Variants in PTPRG observed in about 807,000 individuals in gnomAD.
PTPRG encodes the protein protein tyrosine phosphatase receptor type G.
A neutral mutation model predicts 165.3 loss-of-function variants in PTPRG; 102 were observed. The ratio of observed to expected loss-of-function variants is 0.62; its 90% CI spans 0.53 to 0.73. The LOEUF (loss-of-function observed/expected upper bound fraction) is 0.73. Among genes scored for constraint, PTPRG ranks in the 30% least tolerant of loss-of-function variants. The pLI, the probability that PTPRG is intolerant of heterozygous loss-of-function variation, is 0.00. For synonymous variants in PTPRG, 675 were observed against 669.5 expected (o/e 1.01, Z -0.13); for missense variants, 1,866 against 1,861.4 (o/e 1.00, Z -0.05).
At position 61,976,372 on chromosome 3, in the gene PTPRG, A is replaced by C. The variant is rs911662157; in HGVS notation, c.191-13253A>C. ...GGTCAGAAATTGGATGACAGTCAGG[A>C]TCTCCCTAGTTCCCAAGAGGTCTGA... On this transcript the variant is annotated intron_variant, in intron 2 of 29. Transcript: ENST00000474889. 5.3e-5 allele frequency among the ~76,000 whole-genome samples: 8 copies of C among 152,308 alleles called. No individual in the cohort carries two copies. In the East Asian group the frequency reaches 1.5e-3, roughly 29 times the overall value.
Position 61,954,162 on chromosome 3 carries a change from C to T in PTPRG, c.191-35463C>T, listed in dbSNP as rs76922536. ...TCAGCACCTAAATCCCTTCCCTGCCCAACTTCCCGCCTCCACCAAACATAC... is the reference window on the plus strand; with the variant it reads ...TCAGCACCTAAATCCCTTCCCTGCCTAACTTCCCGCCTCCACCAAACATAC... On this transcript the variant is annotated intron_variant, in intron 2 of 29. Coordinates refer to ENST00000474889, the MANE Select transcript of PTPRG (RefSeq NM_002841.4). 8.0e-3 allele frequency among the ~76,000 whole-genome samples: 1,215 copies of T among 152,244 alleles called. 11 individuals carry two copies. The highest frequency in any genetic ancestry group is 0.027 in the African/African-American group (1,119 of 41,546).
intron 1 of PTPRG, among the ~76,000 whole-genome samples, chr3:61,630,039 G>A (rs1701725389): frequency 6.6e-6 from 1 of 152,218 alleles, no homozygotes; most frequent in Non-Finnish European, 1.5e-5. Context: ...TTGGTAATGT[G>A]CCCAAAGACC....
At chr3:62,141,737 T>TA (rs35175964) in intron 6 of PTPRG, among the ~76,000 whole-genome samples, 269 of 140,052 alleles carry the variant, frequency 1.9e-3, no homozygotes, top group African/African-American at 3.8e-3. Context: ...CTGTCTCTAC[T>TA]AAAAAAAAAA....
At chr3:61,957,100 C>T (rs1463669129) in intron 2 of PTPRG, among the ~76,000 whole-genome samples, 1 of 152,076 alleles carries the variant, frequency 6.6e-6, no homozygotes, top group Non-Finnish European at 1.5e-5. Flanking sequence ...TAAATATCAC[C>T]TGAAACAGCA....
chr3:62,121,887 T>A (rs2106893041), intron 5 of PTPRG, among the ~76,000 whole-genome samples: 1 of 152,348 alleles, frequency 6.6e-6, no homozygotes, highest in African/African-American at 2.4e-5. Context: ...TTTGTTCTGC[T>A]ACAAATGGCA....
chr3:61,595,428 G>A (rs112530520), intron 1 of PTPRG, among the ~76,000 whole-genome samples: 1 of 152,184 alleles, frequency 6.6e-6, no homozygotes, highest in Non-Finnish European at 1.5e-5. Flanking sequence ...CTCAAAGTTT[G>A]TATATTCTCC....
chr3:61,696,986 A>G (rs574887495), intron 1 of PTPRG, among the ~76,000 whole-genome samples: 238 of 152,156 alleles, frequency 1.6e-3, no homozygotes, highest in African/African-American at 5.5e-3. Flanking sequence ...AGTTATTGGG[A>G]AGATTGATTT....
At chr3:61,621,051 A>ATATATATATGTGTGTGTGTGTG in intron 1 of PTPRG, among the ~76,000 whole-genome samples, 21 of 117,996 alleles carry the variant, frequency 1.8e-4, no homozygotes, top group African/African-American at 4.8e-4. Context: ...ATATATATAT[A>ATATATATATGTGTGTGTGTGTG]TGTGTGTGTG....
At chr3:61,704,417 TTCTTC>T (rs2031141897) in intron 1 of PTPRG, among the ~76,000 whole-genome samples, 1 of 152,072 alleles carries the variant, frequency 6.6e-6, no homozygotes, top group Admixed American at 6.5e-5. Flanking sequence ...ACATCAAGGA[TTCTTC>T]ACCTTTTCTT....
intron 19 of PTPRG, 31 bp from the exon 20 acceptor site, chr3:62,269,004 G>A: frequency 1.3e-6 from 2 of 1,533,400 alleles, no homozygotes; most frequent in South Asian, 1.3e-5. Flanking sequence ...ATAGATTGCA[G>A]TTATACTTTA....
chr3:61,708,089 G>T (rs2031352654), intron 1 of PTPRG, among the ~76,000 whole-genome samples: 1 of 149,622 alleles, frequency 6.7e-6, no homozygotes, highest in Non-Finnish European at 1.5e-5. Flanking sequence ...ACACCCAGTA[G>T]TTTTTTTTTT....
At chr3:61,761,575 C>A (rs1413942518) in intron 2 of PTPRG, among the ~76,000 whole-genome samples, 2 of 144,134 alleles carry the variant, frequency 1.4e-5, no homozygotes, top group East Asian at 2.4e-4. Flanking sequence ...GAGACTCCGC[C>A]TCAAAACAAA....
rs60859744 is a variant in PTPRG at position 62,037,446 on chromosome 3, A to T, written c.519+33949A>T. Reference sequence around the variant, plus strand: ...CCCGGACCTCTAGCCAACAGATGCCAGTAGCAGGTAGCAGCCCCCTATAAG... The same window carrying T: ...CCCGGACCTCTAGCCAACAGATGCCTGTAGCAGGTAGCAGCCCCCTATAAG... On this transcript the variant is annotated intron_variant, in intron 4 of 29. Coordinates refer to ENST00000474889, the MANE Select transcript of PTPRG (RefSeq NM_002841.4). Among the ~76,000 whole-genome samples, 1,361 of 152,310 alleles carry T rather than the reference A, an allele frequency of 8.9e-3. 23 individuals are homozygous for T. The highest frequency in any genetic ancestry group is 0.029 in the African/African-American group (1,226 of 41,564).
chr3:61,642,743 A>G (rs760456086), intron 1 of PTPRG, among the ~76,000 whole-genome samples: 1 of 152,228 alleles, frequency 6.6e-6, no homozygotes, highest in Non-Finnish European at 1.5e-5. Flanking sequence ...TATTTTTAAA[A>G]TTCAGACTGG....
intron 4 of PTPRG, among the ~76,000 whole-genome samples, chr3:62,014,406 G>A (rs556395242): frequency 6.6e-6 from 1 of 152,312 alleles, no homozygotes; most frequent in Admixed American, 6.5e-5. Context: ...CATCTCTTGA[G>A]TGTTGGAGGA....
chr3:61,880,622 CAAAAA>C (rs35846878), intron 2 of PTPRG, among the ~76,000 whole-genome samples: 1 of 80,236 alleles, frequency 1.2e-5, no homozygotes. Flanking sequence ...AACCCTGTCT[CAAAAA>C]AAAAAAAAAA....
intron 4 of PTPRG, among the ~76,000 whole-genome samples, chr3:62,052,690 C>G (rs141613550): frequency 6.6e-6 from 1 of 151,668 alleles, no homozygotes; most frequent in East Asian, 1.9e-4. Flanking sequence ...GAGAACCTGT[C>G]TCTTAAAAAA....
chr3:61,718,213 C>CAAA (rs376955925), intron 1 of PTPRG, among the ~76,000 whole-genome samples: 15,122 of 101,930 alleles, frequency 0.15, 1,079 homozygotes, highest in East Asian at 0.23. Context: ...AAACAAAAAC[C>CAAA]AAAAAAAAAA....
intron 3 of PTPRG, among the ~76,000 whole-genome samples, chr3:61,992,090 A>T (rs2040906932): frequency 6.6e-6 from 1 of 152,210 alleles, no homozygotes; most frequent in African/African-American, 2.4e-5. Flanking sequence ...GCAGAAATAG[A>T]TCTTTGTTAC....
Sources: allele counts gnomAD v4.1 joint callset (sites outside exome capture counted in the v4.1 genomes callset), GRCh38; gene constraint gnomAD v4.1.1; transcripts MANE v1.5; gene names NCBI Gene and HGNC (gene_info 2026-07-23, HGNC 2026-07-21).